Variants in BCAR3 observed in about 807,000 individuals in gnomAD.
BCAR3 encodes breast cancer anti-estrogen resistance protein 3.
Under a neutral mutation model 80.1 loss-of-function variants are expected in BCAR3, and 37 were observed. The observed-to-expected ratio is 0.46, with a 90% CI of 0.36 to 0.61. The LOEUF (loss-of-function observed/expected upper bound fraction) is 0.61. Ranked by LOEUF, BCAR3 falls within the 20% of genes least tolerant of loss-of-function variation. The probability of loss-of-function intolerance (pLI) is 0.00; values close to 1 mark genes in which losing one functional copy is unlikely to be tolerated. For missense variants in BCAR3, 978 were observed against 1,068.2 expected, an observed-to-expected ratio of 0.92 and a Z score of 1.18; for synonymous variants, 389 against 418.9, an observed-to-expected ratio of 0.93 and a Z score of 0.87.
intron 3 of BCAR3, chr1:93,598,882 T>G (rs542528926): frequency 6.6e-6 from 1 of 152,318 alleles, no homozygotes; most frequent in African/African-American, 2.4e-5. Context: ...TTTGGGACAT[T>G]TGAGCTAAGG....
intron 2 of BCAR3, among the ~76,000 whole-genome samples, chr1:93,728,967 T>C (rs1215828141): frequency 2.6e-5 from 4 of 152,178 alleles, no homozygotes; most frequent in Non-Finnish European, 5.9e-5. Flanking sequence ...CGCCCTCCTC[T>C]ACCCAGCACT....
chr1:93,833,939 G>C (rs532882808), intron 2 of BCAR3, among the ~76,000 whole-genome samples: 1 of 152,278 alleles, frequency 6.6e-6, no homozygotes, highest in East Asian at 1.9e-4. Context: ...AAATGTCCAT[G>C]AAATCTTCAA....
intron 2 of BCAR3, among the ~76,000 whole-genome samples, chr1:93,649,587 A>G (rs1160251522): frequency 1.3e-5 from 2 of 152,150 alleles, no homozygotes; most frequent in African/African-American, 4.8e-5. Context: ...GGCAAAAGGA[A>G]AAGGGTTTTA....
intron 2 of BCAR3, among the ~76,000 whole-genome samples, chr1:93,764,884 G>A (rs1652088396): frequency 6.6e-6 from 1 of 152,058 alleles, no homozygotes; most frequent in African/African-American, 2.4e-5. Flanking sequence ...CCTCTTGCCC[G>A]GTCTACCCCA....
At chr1:93,830,362 CATGTATACATCCAG>C (rs1373892124) in intron 2 of BCAR3, among the ~76,000 whole-genome samples, 1 of 152,126 alleles carries the variant, frequency 6.6e-6, no homozygotes, top group Non-Finnish European at 1.5e-5. Flanking sequence ...CCCAAGCCTG[CATGTATACATCCAG>C]ATGGCCTGAA....
At chr1:93,689,948 G>C (rs1448976202) in intron 3 of BCAR3, among the ~76,000 whole-genome samples, 6 of 152,168 alleles carry the variant, frequency 3.9e-5, no homozygotes, top group Non-Finnish European at 8.8e-5. Flanking sequence ...GCCTTCCAGG[G>C]GTTCACTTTC....
intron 2 of BCAR3, among the ~76,000 whole-genome samples, chr1:93,839,751 G>A (rs1380304842): frequency 2.0e-5 from 3 of 152,172 alleles, no homozygotes; most frequent in Admixed American, 1.3e-4. Context: ...TGAGCTTTTT[G>A]ATGGAGTTTT....
intron 3 of BCAR3, among the ~76,000 whole-genome samples, chr1:93,610,417 G>A (rs1294379254): frequency 2.0e-5 from 3 of 151,918 alleles, no homozygotes; most frequent in Non-Finnish European, 4.4e-5. Flanking sequence ...TCTTTTCTTT[G>A]TCCATCCAAA....
chr1:93,820,472 T>C (rs1173480965), intron 2 of BCAR3, among the ~76,000 whole-genome samples: 2 of 152,184 alleles, frequency 1.3e-5, no homozygotes, highest in Non-Finnish European at 2.9e-5. Context: ...GGTTCAAAAA[T>C]TTGCTATAAT....
At chr1:93,567,620 A>C in intron 10 of BCAR3, 120 bp downstream of exon 10, 1 of 1,397,206 alleles carries the variant, frequency 7.2e-7, no homozygotes, top group Non-Finnish European at 9.9e-7. Context: ...TCATCTGATA[A>C]AAGCCCTGAT....
In BCAR3 at chr1:93,562,124, TA is replaced by T; in HGVS notation, c.*116del. 9.0e-7 allele frequency: 1 copy of T among 1,117,236 alleles called. No individual in the cohort carries two copies. Among genetic ancestry groups the T allele is most frequent in the Non-Finnish European group, 1.3e-6 (1 of 793,092 alleles). 69.2% of individuals were successfully genotyped at this position (1,117,236 alleles called of 1,614,324 possible). ...TACACGTTTAATATCCTGTGGATAC[TA>T]AAAGCTTGTATATTGTCAGATTTGC... On this transcript the variant is annotated 3_prime_UTR_variant, in exon 12 of 12. Coordinates refer to ENST00000260502, the MANE Select transcript of BCAR3 (RefSeq NM_003567.4).
At chr1:93,832,771 T>G (rs1401899731) in intron 2 of BCAR3, among the ~76,000 whole-genome samples, 1 of 152,180 alleles carries the variant, frequency 6.6e-6, no homozygotes, top group Non-Finnish European at 1.5e-5. Flanking sequence ...CATTCTTTTA[T>G]GCACTCCTTT....
rs780475040 is a variant in BCAR3 at position 93,582,831 on chromosome 1, C to A, written c.1156G>T (p.Ala386Ser). ...CCCCTCAGCGCCTCCCCAGCCCTGGCGTCTGAGGAGACCCTCCGAACCACT... is the reference window on the plus strand; with the variant it reads ...CCCCTCAGCGCCTCCCCAGCCCTGGAGTCTGAGGAGACCCTCCGAACCACT... Reference protein sequence around the residue: ...PAVVRRVSSDARAGEALRGSD... With the variant: ...PAVVRRVSSDSRAGEALRGSD... Residue 386 changes from alanine to serine, a missense_variant, in exon 7 of 12, where the codon GCC becomes TCC. Physicochemically the swap from Ala to Ser is moderately conservative, Grantham distance 99 (BLOSUM62 1). Coordinates refer to ENST00000260502, the MANE Select transcript of BCAR3 (RefSeq NM_003567.4). 6.2e-7 allele frequency: 1 copy of A among 1,613,434 alleles called. No individual in the cohort carries two copies. The highest frequency in any genetic ancestry group is 8.5e-7 in the Non-Finnish European group (1 of 1,179,924).
At chr1:93,746,748 C>T (rs1175361409) in intron 2 of BCAR3, among the ~76,000 whole-genome samples, 4 of 152,154 alleles carry the variant, frequency 2.6e-5, no homozygotes, top group Non-Finnish European at 5.9e-5. Context: ...CACACTCTGT[C>T]TTCACTAACA....
intron 3 of BCAR3, among the ~76,000 whole-genome samples, chr1:93,621,734 T>C (rs1675321167): frequency 6.6e-6 from 1 of 152,166 alleles, no homozygotes; most frequent in Non-Finnish European, 1.5e-5. Flanking sequence ...TTGGAAGAGC[T>C]ACAAGTTTGA....
intron 11 of BCAR3, among the ~76,000 whole-genome samples, chr1:93,563,444 TTGA>T (rs1184498901): frequency 1.3e-5 from 2 of 152,226 alleles, no homozygotes; most frequent in Non-Finnish European, 2.9e-5. Context: ...CATTCACCAA[TTGA>T]TGACATTTGG....
chr1:93,733,908 C>T lies in BCAR3; in HGVS notation c.-62-27766G>A, dbSNP rs572927762. 7.2e-4 allele frequency among the ~76,000 whole-genome samples: 109 copies of T among 152,328 alleles called. 1 individual carries two copies. Among genetic ancestry groups the T allele is most frequent in the African/African-American group, 2.1e-3 (86 of 41,574 alleles). On this transcript the variant is annotated intron_variant, in intron 2 of 13. Transcript: ENST00000370244. ...GACAAGTTAATTTGAAAAGCAGAAT[C>T]TAAAACCAAAATCCAATCTCTGAGG...
At chr1:93,780,621 G>A (rs1259435651) in intron 2 of BCAR3, among the ~76,000 whole-genome samples, 1 of 152,030 alleles carries the variant, frequency 6.6e-6, no homozygotes, top group Admixed American at 6.6e-5. Context: ...TGCAGAAAGG[G>A]CTAGAAGCTC....
Position 93,567,344 on chromosome 1 carries a change from G to A in BCAR3, c.2234C>T (p.Ala745Val), listed in dbSNP as rs749322059. Residue 745 changes from alanine (A) to valine (V), a missense_variant, in exon 11 of 12, where the codon GCA becomes GTA. By Grantham distance (64) the Ala-to-Val change is moderately conservative. Transcript: ENST00000260502. ...QSCEIMLNHL[A>V]TARFMAEAAD... ...AGCCTCGGCCATGAATCGCGCTGTT[G>A]CCAAATGGTTCAGCATGATTTCACA... 1.9e-6 allele frequency: 3 copies of A among 1,614,184 alleles called. No individual in the cohort carries two copies. The Admixed American group carries it at 5.0e-5, about 27-fold the overall frequency.
Sources: allele counts gnomAD v4.1 joint callset (sites outside exome capture counted in the v4.1 genomes callset), GRCh38; gene constraint gnomAD v4.1.1; transcripts MANE v1.5; gene names NCBI Gene and HGNC (gene_info 2026-07-23, HGNC 2026-07-21).